PTPN3: variants seen among roughly 807,000 people sequenced by gnomAD.
The protein encoded by PTPN3 is tyrosine-protein phosphatase non-receptor type 3.
PTPN3 carries 96 observed loss-of-function variants against 132.7 expected under a neutral mutation model. The observed-to-expected ratio is 0.72, with a 90% CI of 0.61 to 0.86. The LOEUF is 0.86. PTPN3 is among the 40% of genes least tolerant of loss of function. The pLI is 0.00. For missense variants in PTPN3, 1,125 were observed against 1,159.6 expected, an observed-to-expected ratio of 0.97 and a Z score of 0.43; for synonymous variants, 398 against 429.0, an observed-to-expected ratio of 0.93 and a Z score of 0.89.
At chr9:109,509,639 CT>C in the PTPN3 span, among the ~76,000 whole-genome samples, 1 of 152,188 alleles carries the variant, frequency 6.6e-6, no homozygotes, top group South Asian at 2.1e-4. Flanking sequence ...CCTTGACTTA[CT>C]AAGGCCAGTG....
chr9:109,433,175 G>C lies in PTPN3; in HGVS notation c.676-14C>G, dbSNP rs1288723999. 2.5e-6 allele frequency: 4 copies of C among 1,613,496 alleles called. No homozygotes were observed. Among genetic ancestry groups the C allele is most frequent in the Non-Finnish European group, 3.4e-6 (4 of 1,179,924 alleles). On this transcript the variant is annotated splice_polypyrimidine_tract_variant and intron_variant, in intron 9 of 25. Coordinates refer to ENST00000374541, the MANE Select transcript of PTPN3 (RefSeq NM_002829.4). ...ATTGTGCAGATCCTGTAAAAAGGAA[G>C]ATCTCAGATCCACAGCATGTTACAG... is the stretch of plus-strand genomic sequence containing the variant.
chr9:109,536,314 TGTATGC>T, the PTPN3 span, among the ~76,000 whole-genome samples: 2,625 of 152,348 alleles, frequency 0.017, 34 homozygotes, highest in Non-Finnish European at 0.026. Context: ...TTGTGAATGG[TGTATGC>T]ATATCCATGT....
the PTPN3 span, among the ~76,000 whole-genome samples, chr9:109,512,455 C>G: frequency 6.6e-6 from 1 of 152,192 alleles, no homozygotes; most frequent in Non-Finnish European, 1.5e-5. Flanking sequence ...TCACACTAAT[C>G]TTTAAAGCTT....
chr9:109,421,636 G>T (rs898594689), intron 13 of PTPN3, among the ~76,000 whole-genome samples: 1 of 152,238 alleles, frequency 6.6e-6, no homozygotes, highest in Non-Finnish European at 1.5e-5. Context: ...AAATTAAGCT[G>T]CTGTGTTATA....
At chr9:109,413,447 G>A (rs1842234079) in intron 14 of PTPN3, among the ~76,000 whole-genome samples, 1 of 152,226 alleles carries the variant, frequency 6.6e-6, no homozygotes, top group Non-Finnish European at 1.5e-5. Flanking sequence ...TGAGTAAGTG[G>A]CAGCTGGCCA....
At chr9:109,538,275 A>G in the PTPN3 span, among the ~76,000 whole-genome samples, 1 of 152,338 alleles carries the variant, frequency 6.6e-6, no homozygotes, top group Non-Finnish European at 1.5e-5. Context: ...TTGCTCCACC[A>G]TGATGCTGTT....
chr9:109,417,052 A>C (rs541742891), intron 14 of PTPN3, among the ~76,000 whole-genome samples: 63 of 152,190 alleles, frequency 4.1e-4, no homozygotes, highest in Non-Finnish European at 8.4e-4. Flanking sequence ...CATTTCTGCC[A>C]TGAAAGAAAC....
chr9:109,517,796 T>C, the PTPN3 span, among the ~76,000 whole-genome samples: 1 of 152,230 alleles, frequency 6.6e-6, no homozygotes, highest in African/African-American at 2.4e-5. Flanking sequence ...CACAGCTGCC[T>C]TCTGTGGCCT....
intron 1 of PTPN3, 111 bp from the exon 2 acceptor site, chr9:109,463,562 G>A (rs1845952970): frequency 1.0e-6 from 1 of 987,754 alleles, no homozygotes; most frequent in South Asian, 1.8e-5. Flanking sequence ...CGGACTCACA[G>A]ATAATGAGAA....
chr9:109,489,862 C>T (rs528339250), intron 1 of PTPN3, among the ~76,000 whole-genome samples: 1 of 152,044 alleles, frequency 6.6e-6, no homozygotes, highest in South Asian at 2.1e-4. Flanking sequence ...GGATTCAAAC[C>T]TGTATACAGT....
intron 1 of PTPN3, among the ~76,000 whole-genome samples, chr9:109,489,477 T>G (rs1331523601): frequency 2.0e-5 from 3 of 152,144 alleles, no homozygotes. Context: ...TCGAAGTCAC[T>G]CTTAAATCCG....
chr9:109,433,306 CACTTAACGGAT>C, intron 9 of PTPN3, 145 bp from the exon 10 acceptor site: 1 of 1,323,652 alleles, frequency 7.6e-7, no homozygotes, highest in Non-Finnish European at 9.9e-7. Context: ...CAAAAAGCCC[CACTTAACGGAT>C]ACTTAAGATC....
intron 1 of PTPN3, among the ~76,000 whole-genome samples, chr9:109,479,112 T>C (rs1033574387): frequency 3.9e-5 from 6 of 152,188 alleles, no homozygotes. Flanking sequence ...CACAATGTTG[T>C]GCAAACATTA....
intron 1 of PTPN3, among the ~76,000 whole-genome samples, chr9:109,480,221 T>A (rs2132099291): frequency 6.6e-6 from 1 of 152,358 alleles, no homozygotes; most frequent in East Asian, 1.9e-4. Context: ...TCACCCAGGC[T>A]GGAGGGCAGT....
chr9:109,489,271 T>C (rs1447481500), intron 1 of PTPN3, among the ~76,000 whole-genome samples: 1 of 152,088 alleles, frequency 6.6e-6, no homozygotes, highest in Non-Finnish European at 1.5e-5. Context: ...AGGTGAGAGC[T>C]GACAAAAGGC....
intron 1 of PTPN3, among the ~76,000 whole-genome samples, chr9:109,468,972 C>T (rs1846237313): frequency 6.6e-6 from 1 of 152,230 alleles, no homozygotes. Context: ...ATAAAGACAG[C>T]TTGCTAGAGT....
intron 25 of PTPN3, among the ~76,000 whole-genome samples, chr9:109,380,444 C>T (rs889069214): frequency 2.0e-5 from 3 of 152,064 alleles, no homozygotes; most frequent in African/African-American, 4.8e-5. Context: ...TCATTAGAGA[C>T]GGGGTTTCAC....
At chr9:109,409,858 A>G (rs1188917979) in intron 16 of PTPN3, 141 bp downstream of exon 16, 1 of 1,392,314 alleles carries the variant, frequency 7.2e-7, no homozygotes, top group East Asian at 2.5e-5. Context: ...AAAAACAAAA[A>G]AAACCCCCAA....
In PTPN3 at chr9:109,383,503, C is replaced by G. The variant is rs767031759; in HGVS notation, c.2302G>C (p.Gly768Arg). The change falls in exon 23 of 26, where the codon GGC becomes CGC. Residue 768 changes from glycine (G) to arginine (R), a missense_variant. Physicochemically the swap from Gly to Arg is moderately radical, Grantham distance 125 (BLOSUM62 -2). Coordinates refer to ENST00000374541, the MANE Select transcript of PTPN3 (RefSeq NM_002829.4). ...WPDPPDVMNH[G>R]GFHIQCQSED... ...GACTGACACTGGATGTGAAAGCCGC[C>G]GTGGTTCATGACGTCGGGGGGATCT... 6.2e-7 allele frequency: 1 copy of G among 1,613,888 alleles called. No individual in the cohort carries two copies. The highest frequency in any genetic ancestry group is 8.5e-7 in the Non-Finnish European group (1 of 1,180,000).
Sources: gnomAD v4.1 joint callset for allele counts (sites outside exome capture counted in the v4.1 genomes callset) on GRCh38, gnomAD v4.1.1 for gene constraint, MANE v1.5 for transcripts, NCBI Gene and HGNC (gene_info 2026-07-23, HGNC 2026-07-21) for gene names.